WDR41: variants seen among roughly 807,000 people sequenced by gnomAD.
The protein encoded by WDR41 is WD repeat domain 41.
In WDR41, 63 loss-of-function variants were observed where a neutral mutation model predicts 69.3. That is an observed-to-expected ratio of 0.91 (90% CI 0.74 to 1.12). WDR41 has a LOEUF of 1.12. Among genes scored for constraint, WDR41 ranks in the 50% most tolerant of loss-of-function variants. The pLI, the probability that WDR41 is intolerant of heterozygous loss-of-function variation, is 0.00. For missense variants in WDR41, 543 were observed against 534.5 expected (o/e 1.02, Z -0.16); for synonymous variants, 185 against 192.1 (o/e 0.96, Z 0.31).
intron 2 of WDR41, among the ~76,000 whole-genome samples, chr5:77,474,068 AATGTGGCACATATACACCATGGAATACT>A (rs1800765228): frequency 6.6e-6 from 1 of 152,228 alleles, no homozygotes; most frequent in African/African-American, 2.4e-5. Context: ...GGATTAAGAA[AATGTGGCACATATACACCATGGAATACT>A]ATGCAGCCAT....
intron 1 of WDR41, among the ~76,000 whole-genome samples, chr5:77,541,836 T>C (rs1483906791): frequency 6.6e-6 from 1 of 152,172 alleles, no homozygotes; most frequent in Non-Finnish European, 1.5e-5. Flanking sequence ...TATATATTAG[T>C]TCAACCATTG....
chr5:77,492,550 G>A (rs1449084837), upstream of WDR41: 1 of 319,126 alleles, frequency 3.1e-6, no homozygotes, highest in East Asian at 5.0e-5. Flanking sequence ...CGGAGCTTAG[G>A]TAGCTCGAGC....
At chr5:77,511,442 T>C (rs1802201574) in intron 1 of WDR41, among the ~76,000 whole-genome samples, 1 of 152,254 alleles carries the variant, frequency 6.6e-6, no homozygotes, top group Non-Finnish European at 1.5e-5. Flanking sequence ...AGTTTTGTAA[T>C]GAGTGCATTT....
At chr5:77,483,726 G>C (rs181374170) in intron 2 of WDR41, among the ~76,000 whole-genome samples, 2 of 152,038 alleles carry the variant, frequency 1.3e-5, no homozygotes, top group African/African-American at 4.8e-5. Context: ...ATTTCTTCTC[G>C]TCAATTATTA....
chr5:77,487,945 G>T (rs138823045), intron 2 of WDR41, among the ~76,000 whole-genome samples: 10 of 152,306 alleles, frequency 6.6e-5, no homozygotes, highest in Middle Eastern at 3.4e-3. Flanking sequence ...AGAGGGCGAG[G>T]AGTCTTGAGA....
chr5:77,463,162 G>A lies in WDR41; in HGVS notation c.281C>T (p.Pro94Leu). The change falls in exon 4 of 13, where the codon CCT becomes CTT. Residue 94 changes from proline to leucine, a missense_variant. Transcript: ENST00000296679. ...TQKITAIITF[P>L]SLESCEEKNQ... is the part of the protein sequence containing the mutation. ...TTTCTCTTCACAAGATTCCAAGGAA[G>A]GAAATGTAATAATAGCTGTTATCTT... is the stretch of plus-strand genomic sequence containing the variant. 1 of 1,612,576 alleles carries A rather than the reference G, an allele frequency of 6.2e-7. No homozygotes were observed. Among genetic ancestry groups the A allele is most frequent in the African/African-American group, 1.3e-5 (1 of 74,954 alleles).
intron 1 of WDR41, among the ~76,000 whole-genome samples, chr5:77,605,086 C>T (rs570984693): frequency 8.7e-4 from 133 of 152,248 alleles, no homozygotes; most frequent in African/African-American, 3.1e-3. Flanking sequence ...TAATTGTTAA[C>T]CATTCTACCC....
chr5:77,467,638 C>A (rs935283588), intron 2 of WDR41, among the ~76,000 whole-genome samples: 3 of 151,962 alleles, frequency 2.0e-5, no homozygotes, highest in African/African-American at 7.2e-5. Flanking sequence ...TATAACATGG[C>A]ACTTGCCAGT....
At chr5:77,538,307 A>G (rs943243433) in intron 1 of WDR41, among the ~76,000 whole-genome samples, 3 of 152,012 alleles carry the variant, frequency 2.0e-5, no homozygotes, top group African/African-American at 4.8e-5. Context: ...TTCCACTTCC[A>G]CTTTTATTTT....
At chr5:77,504,563 C>T (rs1802076341) in intron 1 of WDR41, among the ~76,000 whole-genome samples, 1 of 152,076 alleles carries the variant, frequency 6.6e-6, no homozygotes, top group Non-Finnish European at 1.5e-5. Context: ...CTGGCAGAGA[C>T]ACAACAAAAA....
intron 1 of WDR41, among the ~76,000 whole-genome samples, chr5:77,554,757 CTTG>C (rs1378247660): frequency 1.4e-5 from 2 of 147,734 alleles, no homozygotes; most frequent in Non-Finnish European, 2.9e-5. Flanking sequence ...AGGAAGGATC[CTTG>C]TTGTGCTGGA....
intron 2 of WDR41, among the ~76,000 whole-genome samples, chr5:77,471,927 G>A (rs1800637173): frequency 6.6e-6 from 1 of 151,544 alleles, no homozygotes; most frequent in Admixed American, 6.6e-5. Context: ...AACTCATGAG[G>A]CCAGCATCAT....
chr5:77,539,774 A>C (rs975625549), intron 1 of WDR41, among the ~76,000 whole-genome samples: 1 of 152,236 alleles, frequency 6.6e-6, no homozygotes. Flanking sequence ...CACAATAGTG[A>C]CAAGAATGGC....
chr5:77,479,685 A>C (rs902878294), intron 2 of WDR41, among the ~76,000 whole-genome samples: 18 of 152,232 alleles, frequency 1.2e-4, no homozygotes, highest in African/African-American at 4.3e-4. Context: ...AGATGGATTA[A>C]AGACATAAAC....
At chr5:77,474,788 A>C (rs1034908320) in intron 2 of WDR41, among the ~76,000 whole-genome samples, 2 of 152,200 alleles carry the variant, frequency 1.3e-5, no homozygotes, top group Non-Finnish European at 2.9e-5. Flanking sequence ...TAAACTACAC[A>C]TCAAGATTAC....
intron 1 of WDR41, among the ~76,000 whole-genome samples, chr5:77,584,333 G>C (rs1743998747): frequency 6.6e-6 from 1 of 152,074 alleles, no homozygotes; most frequent in African/African-American, 2.4e-5. Context: ...CTTGTATGTA[G>C]GAAATCCTAA....
chr5:77,509,002 T>G (rs1802156071), intron 1 of WDR41, among the ~76,000 whole-genome samples: 1 of 152,222 alleles, frequency 6.6e-6, no homozygotes, highest in African/African-American at 2.4e-5. Flanking sequence ...TTCTATGGTC[T>G]GATCCAATTA....
At chr5:77,479,383 G>C (rs940563562) in intron 2 of WDR41, among the ~76,000 whole-genome samples, 9 of 152,102 alleles carry the variant, frequency 5.9e-5, no homozygotes, top group Non-Finnish European at 1.2e-4. Flanking sequence ...TAAGCCAAAA[G>C]AGCAAAGCTG....
rs965178007 is a variant in WDR41 at position 77,432,421 on chromosome 5, C to G, written c.*714G>C. 3 of 152,620 alleles carry G rather than the reference C, an allele frequency of 2.0e-5. No individual in the cohort carries two copies. The highest frequency in any genetic ancestry group is 7.2e-5 in the African/African-American group (3 of 41,410). 9.5% of individuals were successfully genotyped at this position (152,620 alleles called of 1,614,324 possible). A position where few individuals can be genotyped will look rare whatever the true frequency, so the allele number is the denominator to read the frequency against. ...TGCGCTCAGCTGCAGTCCCTGACTC[C>G]GGAAACACTGTGCCTCTCAAATGAT... is the stretch of plus-strand genomic sequence containing the variant. On this transcript the variant is annotated 3_prime_UTR_variant, in exon 13 of 13. Coordinates refer to ENST00000296679, the MANE Select transcript of WDR41 (RefSeq NM_018268.4).
Sources: allele counts gnomAD v4.1 joint callset (sites outside exome capture counted in the v4.1 genomes callset), GRCh38; gene constraint gnomAD v4.1.1; transcripts MANE v1.5; gene names NCBI Gene and HGNC (gene_info 2026-07-23, HGNC 2026-07-21).